The following CSMD2 variants were observed in gnomAD, a reference collection of about 807,000 sequenced individuals.
CSMD2 encodes the protein CUB and sushi domain-containing protein 2.
Under a neutral mutation model 398.5 loss-of-function variants are expected in CSMD2, and 130 were observed. The ratio of observed to expected loss-of-function variants is 0.33; its 90% CI spans 0.28 to 0.38. The LOEUF (loss-of-function observed/expected upper bound fraction) is 0.38. Among genes scored for constraint, CSMD2 ranks in the 10% least tolerant of loss-of-function variants. The probability of loss-of-function intolerance (pLI) is 1.00; values close to 1 mark genes in which losing one functional copy is unlikely to be tolerated. For missense variants in CSMD2, 3,829 were observed against 4,764.9 expected (o/e 0.80, Z 5.78); for synonymous variants, 1,828 against 1,908.5 (o/e 0.96, Z 1.10).
In CSMD2 at chr1:33,605,303, G is replaced by A. The variant is rs763002093; in HGVS notation, c.6511C>T (p.His2171Tyr). ...ATACCTTCACACTTGGGCAGGGGGT[G>A]GTCCCAGTTCCGGTTGGTGCCATGT... ...CQHGTNRNWD[H>Y]PLPKCEVPCG... The change falls in exon 42 of 71, where the codon CAC becomes TAC. Residue 2171 changes from histidine to tyrosine, a missense_variant. This residue lies in a region of CSMD2 where 723 missense variants were observed against 758.6 expected (regional missense o/e 0.95). Transcript: ENST00000373381. 2.5e-6 allele frequency: 4 copies of A among 1,614,052 alleles called. No homozygotes were observed. The highest frequency in any genetic ancestry group is 3.4e-6 in the Non-Finnish European group (4 of 1,180,012).
chr1:33,730,999 T>A (rs888033996), intron 15 of CSMD2, among the ~76,000 whole-genome samples: 1 of 152,172 alleles, frequency 6.6e-6, no homozygotes, highest in African/African-American at 2.4e-5. Flanking sequence ...AATAACTGAT[T>A]CTGGGTCAGA....
intron 10 of CSMD2, among the ~76,000 whole-genome samples, chr1:33,792,898 T>G (rs1377150752): frequency 1.3e-5 from 2 of 152,188 alleles, no homozygotes; most frequent in Non-Finnish European, 2.9e-5. Context: ...GAATCTCAGC[T>G]CTCTTGCCCC....
At chr1:33,538,974 AT>A (rs530685979) in intron 60 of CSMD2, among the ~76,000 whole-genome samples, 22 of 147,414 alleles carry the variant, frequency 1.5e-4, no homozygotes, top group Middle Eastern at 3.5e-3. Context: ...AAAGAAAGGC[AT>A]TTTTTTTTTT....
chr1:33,648,880 AT>A (rs907325184), intron 28 of CSMD2, among the ~76,000 whole-genome samples: 19 of 152,096 alleles, frequency 1.2e-4, no homozygotes, highest in Non-Finnish European at 1.9e-4. Flanking sequence ...AAGAGCACCC[AT>A]TTTTTCTTCC....
intron 10 of CSMD2, among the ~76,000 whole-genome samples, chr1:33,801,261 C>T (rs1350891685): frequency 6.6e-6 from 1 of 152,116 alleles, no homozygotes; most frequent in Admixed American, 6.5e-5. Flanking sequence ...ATTAACTATC[C>T]TGATCAAATC....
At position 34,164,835 on chromosome 1, in the gene CSMD2, G is replaced by C. The variant is rs1403493683; in HGVS notation, c.187+76C>G. 7 of 1,174,448 alleles carry C rather than the reference G, an allele frequency of 6.0e-6. No homozygotes were observed. Among genetic ancestry groups the C allele is most frequent in the South Asian group, 4.3e-5 (1 of 23,384 alleles). The allele number at this position is 1,174,448 out of a possible 1,614,324, so 72.8% of individuals were successfully genotyped here. On this transcript the variant is annotated intron_variant, in intron 1 of 70. Transcript: ENST00000373381. This position sits in a 1 kb window ranked among gnomAD's most constrained non-coding sequence, Gnocchi z 6.2. ...AGAGGCGGGGGGAGGGACTGGGACC[G>C]GGTCGAGGATGGGTGGGCTCGGGGC...
In CSMD2 at chr1:34,077,143, C is replaced by T. The variant is rs1181176722; in HGVS notation, c.404+11834G>A. ...GAACGCATCCATAAAGAAAGAAGAC[C>T]AGAGTGTTGGAGAGAAGAGAAGAGA... On this transcript the variant is annotated intron_variant, in intron 2 of 70. Transcript: ENST00000373381. Among the ~76,000 whole-genome samples, 4 of 151,106 alleles carry T rather than the reference C, an allele frequency of 2.6e-5. No homozygotes were observed. In the East Asian group the frequency reaches 7.8e-4, roughly 29 times the overall value.
intron 2 of CSMD2, among the ~76,000 whole-genome samples, chr1:34,052,485 T>C (rs978206088): frequency 7.5e-5 from 10 of 133,404 alleles, no homozygotes; most frequent in Non-Finnish European, 1.2e-4. Flanking sequence ...ATCAATCCCC[T>C]ATGGGACAAC....
At chr1:33,728,717 T>C (rs114001658) in intron 15 of CSMD2, among the ~76,000 whole-genome samples, 32 of 152,348 alleles carry the variant, frequency 2.1e-4, no homozygotes, top group African/African-American at 7.7e-4. Flanking sequence ...GATAACTTAC[T>C]ATGTGTCAGG....
At chr1:33,758,706 G>GATACAT (rs1374681330) in intron 13 of CSMD2, among the ~76,000 whole-genome samples, 1 of 152,180 alleles carries the variant, frequency 6.6e-6, no homozygotes, top group Non-Finnish European at 1.5e-5. Context: ...TTGAGGTGGT[G>GATACAT]CTCTCTTCCC....
At chr1:33,552,973 T>A (rs2781791) in intron 55 of CSMD2, among the ~76,000 whole-genome samples, 63,276 of 152,054 alleles carry the variant, frequency 0.42, 13,234 homozygotes, top group Admixed American at 0.48. Context: ...GCAAATGGAT[T>A]AAATCCTCCA....
chr1:33,797,781 G>A (rs978599488), intron 10 of CSMD2, among the ~76,000 whole-genome samples: 1 of 152,174 alleles, frequency 6.6e-6, no homozygotes, highest in Non-Finnish European at 1.5e-5. Context: ...GGGCCCGGCT[G>A]CATATTCTCA....
At chr1:33,532,905 A>G (rs2148563253) in intron 64 of CSMD2, 145 bp downstream of exon 64, 2 of 830,068 alleles carry the variant, frequency 2.4e-6, no homozygotes, top group Admixed American at 5.9e-5. Flanking sequence ...TTGCTCTTCT[A>G]GACTCAAAAC....
chr1:33,895,179 T>C (rs568787008), intron 5 of CSMD2, among the ~76,000 whole-genome samples: 5 of 152,204 alleles, frequency 3.3e-5, no homozygotes, highest in Non-Finnish European at 5.9e-5. Flanking sequence ...ATATAAATTA[T>C]TATTCCTGAT....
intron 12 of CSMD2, among the ~76,000 whole-genome samples, chr1:33,781,110 G>A (rs1250245734): frequency 6.6e-6 from 1 of 152,166 alleles, no homozygotes; most frequent in African/African-American, 2.4e-5. Flanking sequence ...AGGGGATGTG[G>A]CACTGCCTGC....
rs565319591 is a variant in CSMD2, at chr1:33,623,547, C to T, written c.5626-81G>A. ...CTCTGCTTTCCCTTTCTGCCCTTCC[C>T]GTAGTTAATTCAATTTGTTGAGAAT... is the stretch of plus-strand genomic sequence containing the variant. On this transcript the variant is annotated intron_variant, in intron 35 of 70. Coordinates refer to ENST00000373381, the MANE Select transcript of CSMD2 (RefSeq NM_001281956.2). 5.3e-5 allele frequency: 51 copies of T among 965,364 alleles called. 1 individual carries two copies. Among genetic ancestry groups the T allele is most frequent in the African/African-American group, 3.8e-4 (24 of 62,844 alleles). The allele number at this position is 965,364 out of a possible 1,614,324, so 59.8% of individuals were successfully genotyped here. A position where few individuals can be genotyped will look rare whatever the true frequency, so the allele number is the denominator to read the frequency against.
At chr1:33,604,990 G>A (rs1406038203) in intron 42 of CSMD2, among the ~76,000 whole-genome samples, 1 of 152,136 alleles carries the variant, frequency 6.6e-6, no homozygotes, top group Non-Finnish European at 1.5e-5. Flanking sequence ...CCTTCCAATG[G>A]GAGTCCTCCA....
Position 33,700,646 on chromosome 1 carries a change from G to T in CSMD2, c.3604C>A (p.Arg1202Ser). 6.2e-7 allele frequency: 1 copy of T among 1,614,156 alleles called. No homozygotes were observed. Among genetic ancestry groups the T allele is most frequent in the African/African-American group, 1.3e-5 (1 of 75,046 alleles). The change falls in exon 23 of 71, where the codon CGT becomes AGT. Residue 1202 changes from arginine (R) to serine (S), a missense_variant. By Grantham distance (110) the Arg-to-Ser change is moderately radical. Coordinates refer to ENST00000373381, the MANE Select transcript of CSMD2 (RefSeq NM_001281956.2). ...KVYDGNNNSA[R>S]LLGVFSHSEM... is the part of the protein sequence containing the mutation. ...GAATGGCTAAAAACTCCCAGCAAAC[G>T]GGCGGAGTTGTTGTTGCCATCATAA... is the stretch of plus-strand genomic sequence containing the variant.
intron 4 of CSMD2, among the ~76,000 whole-genome samples, chr1:33,931,964 A>C (rs1342270669): frequency 6.6e-6 from 1 of 152,158 alleles, no homozygotes; most frequent in African/African-American, 2.4e-5. Context: ...GAGAGCCTGG[A>C]CCATCATCTG....
Sources: gnomAD v4.1 joint callset for allele counts (sites outside exome capture counted in the v4.1 genomes callset) on GRCh38, gnomAD v4.1.1 for gene constraint, gnomAD v4.1.1 regional missense constraint, Gnocchi (gnomAD v3.1) non-coding constraint, MANE v1.5 for transcripts, NCBI Gene and HGNC (gene_info 2026-07-23, HGNC 2026-07-21) for gene names.